The following TCERG1 variants were observed in gnomAD, a reference collection of about 807,000 sequenced individuals.
TCERG1 encodes the protein TATA box binding protein (TBP)-associated factor, RNA polymerase II, S, 150kD.
In TCERG1, 37 loss-of-function variants were observed where a neutral mutation model predicts 144.7. The ratio of observed to expected loss-of-function variants is 0.26; its 90% CI spans 0.20 to 0.34. The LOEUF (loss-of-function observed/expected upper bound fraction) is 0.34. Ranked by LOEUF, TCERG1 falls within the 10% of genes least tolerant of loss-of-function variation. TCERG1 has a pLI of 1.00. For missense variants in TCERG1, 1,027 were observed against 1,380.7 expected (o/e 0.74, Z 4.06); for synonymous variants, 492 against 458.2 (o/e 1.07, Z -0.94).
chr5:146,501,633 G>T lies in TCERG1; in HGVS notation c.2434-1742G>T, dbSNP rs146323550. Among the ~76,000 whole-genome samples the T allele has an allele frequency of 4.7e-3, 720 of 152,230 alleles. 4 individuals carry two copies. Among genetic ancestry groups the T allele is most frequent in the Admixed American group, 0.015 (230 of 15,292 alleles). On this transcript the variant is annotated intron_variant, in intron 17 of 22. Transcript: ENST00000679501. Reference sequence around the variant, plus strand: ...TGTCAAATGCATCTAGGAATTTGGTGTTCATCATGTCAGATACAAAGTAGA... The same window carrying T: ...TGTCAAATGCATCTAGGAATTTGGTTTTCATCATGTCAGATACAAAGTAGA...
intron 9 of TCERG1, among the ~76,000 whole-genome samples, chr5:146,476,107 CTG>C (rs1764819188): frequency 6.6e-6 from 1 of 152,100 alleles, no homozygotes; most frequent in Non-Finnish European, 1.5e-5. Context: ...CAGACCTAGA[CTG>C]AGCCATTTCT....
intron 1 of TCERG1, among the ~76,000 whole-genome samples, chr5:146,450,429 G>C (rs1762253688): frequency 6.6e-6 from 1 of 152,146 alleles, no homozygotes; most frequent in South Asian, 2.1e-4. Flanking sequence ...ATGTGGGCCA[G>C]GTTATACAGG....
chr5:146,499,854 C>T (rs561053929), intron 17 of TCERG1: 3 of 152,106 alleles, frequency 2.0e-5, no homozygotes, highest in Non-Finnish European at 2.9e-5. Context: ...TTGTGCTGTG[C>T]GGCCTGTCAA....
chr5:146,450,812 A>G (rs924049177), intron 1 of TCERG1, among the ~76,000 whole-genome samples: 2 of 152,242 alleles, frequency 1.3e-5, no homozygotes, highest in African/African-American at 4.8e-5. Flanking sequence ...TTTTACAGAT[A>G]AACACTGCTA....
At chr5:146,506,489 T>C (rs929238797) in intron 19 of TCERG1, among the ~76,000 whole-genome samples, 3 of 152,234 alleles carry the variant, frequency 2.0e-5, no homozygotes, top group Non-Finnish European at 4.4e-5. Context: ...TTCATCACTT[T>C]GTTTGCTTAT....
chr5:146,471,875 G>A (rs1440657721), intron 9 of TCERG1, among the ~76,000 whole-genome samples: 2 of 152,154 alleles, frequency 1.3e-5, no homozygotes, highest in African/African-American at 4.8e-5. Flanking sequence ...GGGATTACAG[G>A]TGTGAGCCAC....
At position 146,455,192 on chromosome 5, in the gene TCERG1, C is replaced by T; in HGVS notation, c.196C>T (p.Pro66Ser). The T allele has an allele frequency of 6.2e-7, 1 of 1,614,196 alleles. No individual in the cohort carries two copies. Among genetic ancestry groups the T allele is most frequent in the Non-Finnish European group, 8.5e-7 (1 of 1,180,040 alleles). The change falls in exon 2 of 23, where the codon CCC becomes TCC. Residue 66 changes from proline to serine, a missense_variant. By Grantham distance (74) the Pro-to-Ser change is moderately conservative (BLOSUM62 -1). This residue lies in a region of TCERG1 where 175 missense variants were observed against 197.0 expected (regional missense o/e 0.89). Transcript: ENST00000679501. ...MRGPPPPPRP[P>S]FGRPPFDPNM... The stretch of plus-strand genomic sequence containing the variant: ...AGGCCCTCCTCCACCACCACGGCCG[C>T]CCTTTGGACGTCCTCCTTTTGATCC...
chr5:146,452,107 G>A (rs1762408835), intron 1 of TCERG1, among the ~76,000 whole-genome samples: 1 of 152,048 alleles, frequency 6.6e-6, no homozygotes, highest in Non-Finnish European at 1.5e-5. Context: ...TCTTTATTAG[G>A]ATTTTTTTGG....
intron 15 of TCERG1, among the ~76,000 whole-genome samples, chr5:146,484,606 A>T (rs569730912): frequency 1.3e-5 from 2 of 152,220 alleles, no homozygotes; most frequent in African/African-American, 4.8e-5. Flanking sequence ...GAATAGAAAG[A>T]CATAACTTCC....
chr5:146,503,435 A>G lies in TCERG1; in HGVS notation c.2494A>G (p.Ser832Gly), dbSNP rs780099719. ...NHHLDSQSRW[S>G]KVKDKVESDP... is the part of the protein sequence containing the mutation. ...TCACTTGGACAGTCAGTCTCGATGG[A>G]GCAAAGTAAAAGACAAAGTAGAAAG... The change falls in exon 18 of 23, where the codon AGC becomes GGC. Residue 832 changes from serine (S) to glycine (G), a missense_variant. Around this residue, in one of 6 missense-constraint regions of TCERG1, gnomAD observed 482 missense variants for 632.6 expected, o/e 0.76. Coordinates refer to ENST00000679501, the MANE Select transcript of TCERG1 (RefSeq NM_001382548.1). The G allele has an allele frequency of 6.2e-7, 1 of 1,613,900 alleles. No homozygotes were observed. Among genetic ancestry groups the G allele is most frequent in the Non-Finnish European group, 8.5e-7 (1 of 1,179,884 alleles).
chr5:146,503,804 T>C lies in TCERG1; in HGVS notation c.2599-20T>C. The C allele has an allele frequency of 1.3e-6, 2 of 1,567,998 alleles. No individual in the cohort carries two copies. The highest frequency in any genetic ancestry group is 2.8e-5 in the African/African-American group (2 of 72,490). ...TTGATGGAGTTGGTAAGAAGGATAA[T>C]GTAGTTTTTGCTTTTACAGAATTTA... On this transcript the variant is annotated intron_variant, in intron 18 of 22. Transcript: ENST00000679501.
intron 3 of TCERG1, among the ~76,000 whole-genome samples, chr5:146,457,693 C>T (rs1290043361): frequency 6.6e-6 from 1 of 152,198 alleles, no homozygotes; most frequent in East Asian, 1.9e-4. Flanking sequence ...CTCCTGAAAT[C>T]CAAGTTCTTG....
intron 4 of TCERG1, chr5:146,462,224 TTAAA>T (rs1246984634): frequency 6.6e-6 from 1 of 152,622 alleles, no homozygotes; most frequent in East Asian, 1.9e-4. Context: ...GTGATTTGTA[TTAAA>T]TAGTGTGCTT....
intron 19 of TCERG1, among the ~76,000 whole-genome samples, chr5:146,506,702 C>T (rs900262463): frequency 1.3e-5 from 2 of 152,166 alleles, no homozygotes; most frequent in African/African-American, 2.4e-5. Flanking sequence ...ACCATCTACT[C>T]TCTATTTCTA....
chr5:146,503,578 A>G, intron 18 of TCERG1, 39 bp downstream of exon 18: 1 of 1,603,418 alleles, frequency 6.2e-7, no homozygotes, highest in Non-Finnish European at 8.5e-7. Context: ...TCATTGAATA[A>G]TACAATTCTT....
intron 9 of TCERG1, among the ~76,000 whole-genome samples, chr5:146,473,085 T>C (rs1441435094): frequency 1.3e-5 from 2 of 152,330 alleles, no homozygotes; most frequent in East Asian, 1.9e-4. Flanking sequence ...AAAGCCGAGA[T>C]AGGCTGAAAG....
chr5:146,463,499 G>A lies in TCERG1; in HGVS notation c.893-52G>A, dbSNP rs1157948936. The A allele has an allele frequency of 1.9e-6, 3 of 1,607,626 alleles. No homozygotes were observed. The African/African-American group carries it at 4.0e-5, about 22-fold the overall frequency. Reference sequence around the variant, plus strand: ...AATGTGTAAATGATGAATGAATATAGTAAAATGATTTATGAAGGAGTGATA... The same window carrying A: ...AATGTGTAAATGATGAATGAATATAATAAAATGATTTATGAAGGAGTGATA... On this transcript the variant is annotated intron_variant, in intron 4 of 22. Transcript: ENST00000679501.
chr5:146,498,388 T>G (rs754086244), intron 16 of TCERG1, 148 bp from the exon 17 acceptor site: 3 of 714,582 alleles, frequency 4.2e-6, no homozygotes, highest in Non-Finnish European at 6.2e-6. Context: ...TTTACTCCTT[T>G]CTGAAACTTA....
At position 146,500,484 on chromosome 5, in the gene TCERG1, T is replaced by C. The variant is rs1196917352; in HGVS notation, c.2433+1798T>C. Among the ~76,000 whole-genome samples, 3 of 152,186 alleles carry C rather than the reference T, an allele frequency of 2.0e-5. No homozygotes were observed. In the East Asian group the frequency reaches 5.8e-4, roughly 29 times the overall value. On this transcript the variant is annotated intron_variant, in intron 17 of 22. Coordinates refer to ENST00000679501, the MANE Select transcript of TCERG1 (RefSeq NM_001382548.1). ...AGCATGGTACGAGAGTTTATTTCCT[T>C]GTTCTTGTAATTCTCCAGCTGGTCT... is the stretch of plus-strand genomic sequence containing the variant.
Sources: gnomAD v4.1 joint callset for allele counts (sites outside exome capture counted in the v4.1 genomes callset) on GRCh38, gnomAD v4.1.1 for gene constraint, gnomAD v4.1.1 regional missense constraint, MANE v1.5 for transcripts, NCBI Gene and HGNC (gene_info 2026-07-23, HGNC 2026-07-21) for gene names.